Variants in NBAS observed in about 807,000 individuals in gnomAD.
NBAS encodes NBAS subunit of NRZ tethering complex, also known as NAG/BC035112 fusion.
A neutral mutation model predicts 302.5 loss-of-function variants in NBAS; 219 were observed. That is an observed-to-expected ratio of 0.72 (90% CI 0.65 to 0.81). NBAS has a LOEUF of 0.81. Ranked by LOEUF, NBAS falls within the 30% of genes least tolerant of loss-of-function variation. NBAS has a pLI of 0.00. For synonymous variants in NBAS, 1,118 were observed against 1,021.6 expected (o/e 1.09, Z -1.80); for missense variants, 2,932 against 2,841.6 (o/e 1.03, Z -0.72).
At chr2:15,259,012 C>T (rs1668732152) in intron 44 of NBAS, among the ~76,000 whole-genome samples, 1 of 152,152 alleles carries the variant, frequency 6.6e-6, no homozygotes, top group South Asian at 2.1e-4. Context: ...CTTTATTTCT[C>T]AGATCAGCTA....
intron 40 of NBAS, among the ~76,000 whole-genome samples, chr2:15,298,003 A>G (rs899335841): frequency 1.7e-4 from 26 of 152,178 alleles, no homozygotes; most frequent in African/African-American, 6.3e-4. Context: ...ATTTTCTGTT[A>G]AACTCCCTGA....
At chr2:15,217,725 C>T (rs1000859228) in intron 48 of NBAS, among the ~76,000 whole-genome samples, 1 of 152,176 alleles carries the variant, frequency 6.6e-6, no homozygotes, top group African/African-American at 2.4e-5. Context: ...TCAACAGCCA[C>T]AATATTTCTT....
intron 21 of NBAS, 76 bp downstream of exon 21, chr2:15,461,125 C>T: frequency 1.5e-6 from 2 of 1,307,938 alleles, no homozygotes; most frequent in Admixed American, 1.8e-5. Context: ...TTTTTTTTAA[C>T]TTTAAGGTGT....
At chr2:15,392,160 C>T (rs1675638525) in intron 28 of NBAS, among the ~76,000 whole-genome samples, 1 of 151,738 alleles carries the variant, frequency 6.6e-6, no homozygotes, top group Non-Finnish European at 1.5e-5. Flanking sequence ...ACATTATTTA[C>T]ATCACTTTAA....
At chr2:14,831,419 GA>G in the NBAS span, among the ~76,000 whole-genome samples, 3 of 152,090 alleles carry the variant, frequency 2.0e-5, no homozygotes, top group Non-Finnish European at 4.4e-5. Context: ...TAATGTCAAA[GA>G]AAACTATTAT....
At chr2:15,457,814 T>C (rs1249317494) in intron 21 of NBAS, among the ~76,000 whole-genome samples, 2 of 152,208 alleles carry the variant, frequency 1.3e-5, no homozygotes, top group African/African-American at 4.8e-5. Context: ...TTTCTAGAAG[T>C]ACATCTTACT....
At chr2:15,125,562 A>G in the NBAS span, among the ~76,000 whole-genome samples, 2 of 152,310 alleles carry the variant, frequency 1.3e-5, no homozygotes, top group African/African-American at 4.8e-5. Context: ...TTGGCCAGGG[A>G]TAGAGAACCA....
chr2:15,297,501 T>C (rs190708252), intron 40 of NBAS, among the ~76,000 whole-genome samples: 2 of 152,302 alleles, frequency 1.3e-5, no homozygotes, highest in African/African-American at 4.8e-5. Flanking sequence ...TCATGACATC[T>C]GGTTGTTTAA....
At chr2:15,289,042 A>T (rs1670185098) in intron 41 of NBAS, among the ~76,000 whole-genome samples, 1 of 152,144 alleles carries the variant, frequency 6.6e-6, no homozygotes, top group African/African-American at 2.4e-5. Context: ...CAACCCATGG[A>T]TTAGGTCATT....
chr2:15,385,943 T>C (rs1572760553), intron 28 of NBAS, among the ~76,000 whole-genome samples: 1 of 152,214 alleles, frequency 6.6e-6, no homozygotes, highest in African/African-American at 2.4e-5. Context: ...TGCAATGCTT[T>C]CCTGCTGAAA....
the NBAS span, among the ~76,000 whole-genome samples, chr2:15,003,238 T>C: frequency 6.6e-6 from 1 of 151,538 alleles, no homozygotes; most frequent in East Asian, 2.0e-4. Flanking sequence ...GGGAAGGAGA[T>C]AGTGTAGGTG....
At chr2:14,824,638 C>A in the NBAS span, among the ~76,000 whole-genome samples, 1 of 152,124 alleles carries the variant, frequency 6.6e-6, no homozygotes, top group Non-Finnish European at 1.5e-5. Flanking sequence ...TCTAAGGAAT[C>A]CTCCAGGTGA....
At chr2:15,511,495 GGAAACAATCAAAA>G in intron 9 of NBAS, 145 bp from the exon 10 acceptor site, 1 of 750,428 alleles carries the variant, frequency 1.3e-6, no homozygotes, top group Non-Finnish European at 2.2e-6. Context: ...ATATTTCAGA[GGAAACAATCAAAA>G]GAAAACCAAA....
At chr2:14,987,786 A>G in the NBAS span, among the ~76,000 whole-genome samples, 49 of 152,174 alleles carry the variant, frequency 3.2e-4, no homozygotes, top group African/African-American at 1.1e-3. Flanking sequence ...TAGAGAAAAA[A>G]TTCAATTCAC....
At chr2:15,032,702 T>C in the NBAS span, among the ~76,000 whole-genome samples, 1 of 152,132 alleles carries the variant, frequency 6.6e-6, no homozygotes, top group Non-Finnish European at 1.5e-5. Context: ...GAGAGATCAT[T>C]TAATAAGGAG....
At chr2:15,155,884 A>G in the NBAS span, among the ~76,000 whole-genome samples, 1 of 152,240 alleles carries the variant, frequency 6.6e-6, no homozygotes, top group Admixed American at 6.5e-5. Context: ...GAAGAAATCA[A>G]TAACAACTCA....
At chr2:15,392,035 A>G (rs1166542040) in intron 28 of NBAS, among the ~76,000 whole-genome samples, 2 of 150,762 alleles carry the variant, frequency 1.3e-5, no homozygotes, top group African/African-American at 4.9e-5. Context: ...AAAAAAAATT[A>G]AAAGAAGCCT....
the NBAS span, among the ~76,000 whole-genome samples, chr2:14,907,897 G>A: frequency 2.6e-5 from 4 of 152,344 alleles, no homozygotes; most frequent in Non-Finnish European, 5.9e-5. Flanking sequence ...AACAGGAGGG[G>A]GAGACAAAAT....
At chr2:15,235,099 C>T (rs775326154) in intron 45 of NBAS, among the ~76,000 whole-genome samples, 11 of 152,056 alleles carry the variant, frequency 7.2e-5, no homozygotes, top group Non-Finnish European at 1.3e-4. Flanking sequence ...AAGTAATGCT[C>T]GATAAGTATG....
Sources: gnomAD v4.1 joint callset for allele counts (sites outside exome capture counted in the v4.1 genomes callset) on GRCh38, gnomAD v4.1.1 for gene constraint, MANE v1.5 for transcripts, NCBI Gene and HGNC (gene_info 2026-07-23, HGNC 2026-07-21) for gene names.